Variants in MYH13 observed in about 807,000 individuals in gnomAD.
The protein encoded by MYH13 is myosin heavy chain 13.
MYH13 carries 177 observed loss-of-function variants against 232.1 expected under a neutral mutation model. That is an observed-to-expected ratio of 0.76 (90% CI 0.67 to 0.86). The LOEUF (loss-of-function observed/expected upper bound fraction) is 0.86, where lower values mean the gene tolerates loss of function less well. MYH13 is among the 40% of genes least tolerant of loss of function. The pLI, the probability that MYH13 is intolerant of heterozygous loss-of-function variation, is 0.00. For synonymous variants in MYH13, 884 were observed against 923.5 expected (o/e 0.96, Z 0.78); for missense variants, 2,246 against 2,405.9 (o/e 0.93, Z 1.39).
chr17:10,325,882 G>A (rs1385850674), intron 22 of MYH13, among the ~76,000 whole-genome samples: 2 of 152,126 alleles, frequency 1.3e-5, no homozygotes, highest in African/African-American at 4.8e-5. Flanking sequence ...TCACCATGTT[G>A]GCCAGGATGG....
At chr17:10,343,667 A>G in intron 16 of MYH13, 133 bp downstream of exon 16, 1 of 1,086,914 alleles carries the variant, frequency 9.2e-7, no homozygotes, top group Non-Finnish European at 1.3e-6. Context: ...AGGAGGAAGA[A>G]AAATGGAGCT....
chr17:10,339,002 A>G (rs531662710), intron 18 of MYH13, among the ~76,000 whole-genome samples: 3 of 152,274 alleles, frequency 2.0e-5, no homozygotes, highest in East Asian at 1.9e-4. Flanking sequence ...TGCCCGGCCT[A>G]TCCTTGTTTT....
At position 10,327,966 on chromosome 17, in the gene MYH13, T is replaced by C. The variant is rs532067093; in HGVS notation, c.2591A>G (p.Lys864Arg). The C allele has an allele frequency of 1.2e-6, 2 of 1,614,170 alleles. No individual in the cohort carries two copies. The highest frequency in any genetic ancestry group is 8.5e-7 in the Non-Finnish European group (1 of 1,180,028). ...ATMKEDFERT[K>R]EELARSEARR... ...AGCCTCAGATCGGGCCAGTTCTTCC[T>C]TGGTCCTCTCAAAGTCTTCCTTCAT... The change falls in exon 22 of 41, where the codon AAG becomes AGG. Residue 864 changes from lysine to arginine, a missense_variant. Transcript: ENST00000252172.
rs1906172146 is a variant in MYH13, at chr17:10,303,423, C to T, written c.5542G>A (p.Glu1848Lys). ...AEALKGAHKY[E>K]RKVKEMTYQA... The stretch of plus-strand genomic sequence containing the variant: ...TAAGTCATCTCCTTGACTTTGCGTT[C>T]GTACTTGTGGGCTCCCTTCAGGGCT... Residue 1848 changes from glutamate (E) to lysine (K), a missense_variant, in exon 38 of 41, where the codon GAA becomes AAA. By Grantham distance (56) the Glu-to-Lys change is moderately conservative (BLOSUM62 1). Transcript: ENST00000252172. 1.2e-6 allele frequency: 2 copies of T among 1,613,948 alleles called. No individual in the cohort carries two copies. The highest frequency in any genetic ancestry group is 1.3e-5 in the African/African-American group (1 of 75,022).
intron 18 of MYH13, among the ~76,000 whole-genome samples, chr17:10,334,965 G>C (rs1490810429): frequency 6.6e-6 from 1 of 151,920 alleles, no homozygotes; most frequent in Admixed American, 6.6e-5. Flanking sequence ...GGTCTAATTC[G>C]ACTCCCATGA....
At chr17:10,366,387 T>G (rs1399148919) in intron 2 of MYH13, among the ~76,000 whole-genome samples, 1 of 147,346 alleles carries the variant, frequency 6.8e-6, no homozygotes, top group Non-Finnish European at 1.5e-5. Flanking sequence ...ATCTGTTTTT[T>G]TTTTTTTTTT....
Position 10,330,448 on chromosome 17 carries a change from T to C in MYH13, c.2374A>G (p.Thr792Ala). Residue 792 changes from threonine (T) to alanine (A), a missense_variant, in exon 21 of 41, where the codon ACG becomes GCG. Coordinates refer to ENST00000252172, the MANE Select transcript of MYH13 (RefSeq NM_003802.3). ...AGGTACCCCCTGCACACCGCCTGCGTGCTTGTCATCAGCGTCACCAGCTTC... is the reference window on the plus strand; with the variant it reads ...AGGTACCCCCTGCACACCGCCTGCGCGCTTGTCATCAGCGTCACCAGCTTC... ...DEKLVTLMTS[T>A]QAVCRGYLMR... 1 of 1,613,436 alleles carries C rather than the reference T, an allele frequency of 6.2e-7. No homozygotes were observed. The highest frequency in any genetic ancestry group is 8.5e-7 in the Non-Finnish European group (1 of 1,179,792).
intron 33 of MYH13, among the ~76,000 whole-genome samples, chr17:10,310,047 G>T (rs1245625424): frequency 6.6e-6 from 1 of 150,740 alleles, no homozygotes; most frequent in African/African-American, 2.4e-5. Flanking sequence ...TAAAGTGTTG[G>T]GATTACAGGT....
At chr17:10,330,359 A>G in intron 21 of MYH13, 28 bp downstream of exon 21, 1 of 1,612,870 alleles carries the variant, frequency 6.2e-7, no homozygotes, top group Non-Finnish European at 8.5e-7. Flanking sequence ...AGAGGGCAGG[A>G]TAAGGTGGAG....
chr17:10,320,602 A>G, intron 24 of MYH13, 106 bp from the exon 25 acceptor site: 1 of 1,288,480 alleles, frequency 7.8e-7, no homozygotes, highest in Non-Finnish European at 1.1e-6. Context: ...GGGCTCCTGT[A>G]GGGTGCTGGC....
chr17:10,370,138 G>A (rs1229322820), intron 2 of MYH13, among the ~76,000 whole-genome samples: 1 of 152,210 alleles, frequency 6.6e-6, no homozygotes, highest in Non-Finnish European at 1.5e-5. Flanking sequence ...ACTGGAGTGT[G>A]CCCTCACCTC....
rs952822832 is a variant in MYH13 at position 10,362,011 on chromosome 17, C to T, written c.505+107G>A. On this transcript the variant is annotated intron_variant, in intron 5 of 40. Transcript: ENST00000252172. The stretch of plus-strand genomic sequence containing the variant: ...TTCATCCCCAAATCATCTGACTCTC[C>T]GAAGATCCTTTGATTATTGCACCAT... The T allele has an allele frequency of 1.1e-4, 168 of 1,596,048 alleles. 2 individuals are homozygous for T. The highest frequency in any genetic ancestry group is 1.3e-4 in the Non-Finnish European group (156 of 1,170,088).
Position 10,362,462 on chromosome 17 carries a change from A to G in MYH13, c.246T>C (p.Pro82=), listed in dbSNP as rs2071801998. The G allele has an allele frequency of 1.2e-6, 2 of 1,614,072 alleles. No individual in the cohort carries two copies. The highest frequency in any genetic ancestry group is 8.5e-7 in the Non-Finnish European group (1 of 1,180,016). The change falls in exon 4 of 41, where the codon CCT becomes CCC. Residue 82 remains proline, a synonymous_variant. Coordinates refer to ENST00000252172, the MANE Select transcript of MYH13 (RefSeq NM_003802.3). ...TGTCCTCGATCTTGTCAAATTTGGG[A>G]GGGTTCATGGGGAAGACCTGGTCAT... ...LNNDQVFPMN[P]PKFDKIEDMA... is the part of the protein sequence containing the mutation.
intron 37 of MYH13, among the ~76,000 whole-genome samples, chr17:10,305,223 G>A (rs557309080): frequency 3.2e-4 from 49 of 152,318 alleles, no homozygotes; most frequent in African/African-American, 1.1e-3. Context: ...GAGGGTGGCC[G>A]AGGGCTCCCC....
At chr17:10,341,658 T>A (rs974961222) in intron 16 of MYH13, among the ~76,000 whole-genome samples, 1 of 152,156 alleles carries the variant, frequency 6.6e-6, no homozygotes, top group African/African-American at 2.4e-5. Context: ...AGCATGACTG[T>A]GTGTTTGGAT....
chr17:10,326,993 T>TG, intron 22 of MYH13, among the ~76,000 whole-genome samples: 1 of 29,444 alleles, frequency 3.4e-5, no homozygotes, highest in Admixed American at 3.8e-4. Flanking sequence ...TTTTTTTTTT[T>TG]TTTTTTTTTT....
chr17:10,340,504 A>C, intron 16 of MYH13, 103 bp from the exon 17 acceptor site: 1 of 832,044 alleles, frequency 1.2e-6, no homozygotes, highest in Non-Finnish European at 1.9e-6. Context: ...TTTCCTTTTG[A>C]CATAAGAGAC....
Position 10,311,062 on chromosome 17 carries a change from T to C in MYH13, c.4656+41A>G, listed in dbSNP as rs1906492771. The C allele has an allele frequency of 4.3e-6, 7 of 1,611,560 alleles. No homozygotes were observed. In the East Asian group the frequency reaches 1.6e-4, roughly 36 times the overall value. ...TGAAGGGCAGCCTCTTTCAGTTCCC[T>C]GTCCTCCTGAATTTCTGAATGTCAT... is the stretch of plus-strand genomic sequence containing the variant. On this transcript the variant is annotated intron_variant, in intron 33 of 40. Coordinates refer to ENST00000252172, the MANE Select transcript of MYH13 (RefSeq NM_003802.3).
In MYH13 at chr17:10,320,240, C is replaced by T. The variant is rs1906885813; in HGVS notation, c.3261G>A (p.Lys1087=). The change falls in exon 26 of 41, where the codon AAG becomes AAA. Residue 1087 remains lysine, a synonymous_variant. Coordinates refer to ENST00000252172, the MANE Select transcript of MYH13 (RefSeq NM_003802.3). ...KQQIEEKLKK[K]EFELSQLQAK... Reference sequence around the variant, plus strand: ...CTTGTAACTGACTGAGTTCAAACTCCTTCCTGCAAATAGATTAAAAAAAAA... The same window carrying T: ...CTTGTAACTGACTGAGTTCAAACTCTTTCCTGCAAATAGATTAAAAAAAAA... 6.2e-7 allele frequency: 1 copy of T among 1,600,938 alleles called. No individual in the cohort carries two copies. The highest frequency in any genetic ancestry group is 8.5e-7 in the Non-Finnish European group (1 of 1,173,930).
Sources: allele counts gnomAD v4.1 joint callset (sites outside exome capture counted in the v4.1 genomes callset), GRCh38; gene constraint gnomAD v4.1.1; transcripts MANE v1.5; gene names NCBI Gene and HGNC (gene_info 2026-07-23, HGNC 2026-07-21).